The following SYNRG variants were observed in gnomAD, a reference collection of about 807,000 sequenced individuals.
SYNRG encodes the protein AP1 gamma subunit binding protein 1.
Under a neutral mutation model 130.9 loss-of-function variants are expected in SYNRG, and 37 were observed. That is an observed-to-expected ratio of 0.28 (90% confidence interval 0.22 to 0.37). The LOEUF (loss-of-function observed/expected upper bound fraction) is 0.37. Among genes scored for constraint, SYNRG ranks in the 10% least tolerant of loss-of-function variants. The pLI, the probability that SYNRG is intolerant of heterozygous loss-of-function variation, is 1.00. For missense variants in SYNRG, 1,338 were observed against 1,588.9 expected, an observed-to-expected ratio of 0.84 and a Z score of 2.68; for synonymous variants, 539 against 568.1, an observed-to-expected ratio of 0.95 and a Z score of 0.73.
chr17:37,524,005 C>T (rs944591167), intron 19 of SYNRG, among the ~76,000 whole-genome samples: 29 of 152,186 alleles, frequency 1.9e-4, no homozygotes, highest in African/African-American at 5.1e-4. Flanking sequence ...AGTTCGATGT[C>T]GGGGCTCGAG....
intron 3 of SYNRG, among the ~76,000 whole-genome samples, chr17:37,594,180 TATTA>T (rs1208337612): frequency 9.1e-6 from 1 of 109,560 alleles, no homozygotes; most frequent in Non-Finnish European, 1.9e-5. Context: ...TTAATTACAA[TATTA>T]ATTATTTTAA....
intron 11 of SYNRG, among the ~76,000 whole-genome samples, chr17:37,565,077 A>G (rs2059822009): frequency 6.6e-6 from 1 of 152,192 alleles, no homozygotes; most frequent in Non-Finnish European, 1.5e-5. Flanking sequence ...CAGCCTGGAC[A>G]ATATGGTAAA....
chr17:37,581,398 C>T (rs2061325594), intron 6 of SYNRG, among the ~76,000 whole-genome samples: 1 of 151,834 alleles, frequency 6.6e-6, no homozygotes, highest in East Asian at 1.9e-4. Context: ...GTGCCTCAGC[C>T]TCGCAAGTAG....
At chr17:37,519,338 G>GT (rs1291474180) in intron 21 of SYNRG, among the ~76,000 whole-genome samples, 5 of 152,174 alleles carry the variant, frequency 3.3e-5, no homozygotes, top group African/African-American at 1.2e-4. Context: ...AGGTTATGGG[G>GT]TGGAGGGGGG....
At chr17:37,555,721 T>C (rs915944726) in intron 13 of SYNRG, among the ~76,000 whole-genome samples, 1 of 152,076 alleles carries the variant, frequency 6.6e-6, no homozygotes, top group African/African-American at 2.4e-5. Flanking sequence ...CTGGCCAACA[T>C]GGAGAAATCC....
intron 19 of SYNRG, among the ~76,000 whole-genome samples, chr17:37,526,645 G>A (rs1037460489): frequency 9.2e-5 from 14 of 152,194 alleles, no homozygotes; most frequent in African/African-American, 2.9e-4. Flanking sequence ...TAGCTTCTAG[G>A]GACGACCTCT....
intron 9 of SYNRG, 106 bp downstream of exon 9, chr17:37,571,685 T>A: frequency 9.7e-7 from 1 of 1,033,368 alleles, no homozygotes; most frequent in South Asian, 2.0e-5. Context: ...GAAAATGATC[T>A]AAATTTTAAT....
chr17:37,566,776 TACAA>T (rs1323022456), intron 11 of SYNRG: 7 of 152,304 alleles, frequency 4.6e-5, no homozygotes, highest in Non-Finnish European at 8.8e-5. Flanking sequence ...TAATTTCATC[TACAA>T]ACAGTTTTGC....
At chr17:37,527,659 C>T (rs1257174077) in intron 19 of SYNRG, among the ~76,000 whole-genome samples, 1 of 152,246 alleles carries the variant, frequency 6.6e-6, no homozygotes, top group South Asian at 2.1e-4. Flanking sequence ...GCAGCATTTA[C>T]ATTGTATTAG....
At chr17:37,598,552 C>G (rs1353259424) in intron 2 of SYNRG, among the ~76,000 whole-genome samples, 1 of 152,190 alleles carries the variant, frequency 6.6e-6, no homozygotes, top group Non-Finnish European at 1.5e-5. Context: ...AAAGTGTACA[C>G]AGTAAAAAAT....
intron 19 of SYNRG, among the ~76,000 whole-genome samples, chr17:37,523,575 G>C (rs1323747141): frequency 2.0e-5 from 3 of 152,236 alleles, no homozygotes; most frequent in African/African-American, 7.2e-5. Flanking sequence ...TAGTGCGACA[G>C]AATGGAATCT....
intron 18 of SYNRG, chr17:37,537,057 C>T (rs1262571414): frequency 1.3e-5 from 2 of 152,172 alleles, no homozygotes; most frequent in Admixed American, 6.5e-5. Flanking sequence ...TCCATAGATA[C>T]AAGGATACTA....
intron 13 of SYNRG, among the ~76,000 whole-genome samples, chr17:37,555,922 A>C (rs892343745): frequency 2.0e-5 from 3 of 152,138 alleles, no homozygotes; most frequent in African/African-American, 7.2e-5. Flanking sequence ...AAAAATAAAA[A>C]AACAAATAAA....
chr17:37,536,236 T>G, intron 18 of SYNRG, 109 bp from the exon 19 acceptor site: 1 of 1,268,444 alleles, frequency 7.9e-7, no homozygotes, highest in Non-Finnish European at 1.1e-6. Context: ...TGGGTGTATC[T>G]GGACAGAGGT....
chr17:37,576,142 A>G (rs1225962979), intron 8 of SYNRG, among the ~76,000 whole-genome samples, 199 bp downstream of exon 8: 1 of 152,188 alleles, frequency 6.6e-6, no homozygotes, highest in Non-Finnish European at 1.5e-5. Flanking sequence ...ATTCTCCTCT[A>G]TTTATATAGT....
At chr17:37,532,139 A>G (rs1022647546) in intron 19 of SYNRG, among the ~76,000 whole-genome samples, 2 of 152,260 alleles carry the variant, frequency 1.3e-5, no homozygotes, top group South Asian at 4.1e-4. Context: ...AATTCATTCA[A>G]CGTTTACTGA....
At chr17:37,557,849 GA>G (rs374587323) in intron 13 of SYNRG, among the ~76,000 whole-genome samples, 50 of 144,042 alleles carry the variant, frequency 3.5e-4, no homozygotes, top group Admixed American at 1.8e-3. Context: ...CTGTCTCTCA[GA>G]AAAAAAAAAA....
At chr17:37,521,036 T>C (rs1374533850) in intron 19 of SYNRG, among the ~76,000 whole-genome samples, 2 of 146,586 alleles carry the variant, frequency 1.4e-5, no homozygotes, top group Non-Finnish European at 3.0e-5. Flanking sequence ...TTCTTTTCTT[T>C]TTTTTTTTTT....
At chr17:37,523,219 G>C (rs920408079) in intron 19 of SYNRG, among the ~76,000 whole-genome samples, 2 of 152,036 alleles carry the variant, frequency 1.3e-5, no homozygotes, top group Admixed American at 6.5e-5. Flanking sequence ...GTGCAGGGGC[G>C]TGTGTGATCA....
Sources: allele counts gnomAD v4.1 joint callset (sites outside exome capture counted in the v4.1 genomes callset), GRCh38; gene constraint gnomAD v4.1.1; transcripts MANE v1.5; gene names NCBI Gene and HGNC (gene_info 2026-07-23, HGNC 2026-07-21).